FGB: variants seen among roughly 807,000 people sequenced by gnomAD.
FGB encodes the protein beta-fibrinogen.
In FGB, 25 loss-of-function variants were observed where a neutral mutation model predicts 57.9. That is an observed-to-expected ratio of 0.43 (90% CI 0.31 to 0.60). FGB has a LOEUF of 0.60. Among genes scored for constraint, FGB ranks in the 20% least tolerant of loss-of-function variants. FGB has a pLI of 0.08. For synonymous variants in FGB, 203 were observed against 199.2 expected, an observed-to-expected ratio of 1.02 and a Z score of -0.16; for missense variants, 536 against 598.4, an observed-to-expected ratio of 0.90 and a Z score of 1.09.
In FGB at chr4:154,568,465, T is replaced by C. The variant is rs1297445851; in HGVS notation, c.803T>C (p.Val268Ala). Residue 268 changes from valine (V) to alanine (A), a missense_variant, in exon 5 of 8, where the codon GTA becomes GCA. By Grantham distance (64) the Val-to-Ala change is moderately conservative. Coordinates refer to ENST00000302068, the MANE Select transcript of FGB (RefSeq NM_005141.5). ...GACAGTTCTGTCAAACCGTATAGAG[T>C]ATACTGTGACATGAATACAGAAAAT... ...QPDSSVKPYR[V>A]YCDMNTENGG... 5 of 1,592,288 alleles carry C rather than the reference T, an allele frequency of 3.1e-6. No individual in the cohort carries two copies. Among genetic ancestry groups the C allele is most frequent in the East Asian group, 2.2e-5 (1 of 44,770 alleles).
At chr4:154,567,566 T>A in intron 3 of FGB, 27 bp from the exon 4 acceptor site, 2 of 1,431,094 alleles carry the variant, frequency 1.4e-6, no homozygotes, top group Non-Finnish European at 2.0e-6. Flanking sequence ...AAATGCTAAC[T>A]ATTTCTACAT....
intron 4 of FGB, 172 bp downstream of exon 4, chr4:154,567,992 T>G (rs1407558286): frequency 5.9e-6 from 4 of 679,528 alleles, no homozygotes; most frequent in Non-Finnish European, 7.8e-6. Context: ...ACTGGCCTGG[T>G]GCATTTGCTG....
intron 7 of FGB, 70 bp from the exon 8 acceptor site, chr4:154,570,349 G>C: frequency 8.7e-7 from 1 of 1,151,564 alleles, no homozygotes; most frequent in African/African-American, 1.5e-5. Flanking sequence ...GTCTTTTATG[G>C]GTAATCTGCA....
chr4:154,567,487 T>A (rs371343648), intron 3 of FGB, 106 bp from the exon 4 acceptor site: 35 of 724,754 alleles, frequency 4.8e-5, no homozygotes, highest in Admixed American at 1.4e-4. Flanking sequence ...TGGTGATAGC[T>A]CAGTGTTTAA....
rs758044306 is a variant in FGB at position 154,570,485 on chromosome 4, T to A, written c.1311T>A (p.Cys437Ter). The A allele has an allele frequency of 3.7e-6, 6 of 1,614,168 alleles. No homozygotes were observed. Among genetic ancestry groups the A allele is most frequent in the Non-Finnish European group, 5.1e-6 (6 of 1,180,026 alleles). ...EDGGGWWYNR[C>*]HAANPNGRYY... ...GTGGTGGATGGTGGTATAATAGATGTCATGCAGCCAATCCAAACGGCAGAT... is the reference window on the plus strand; with the variant it reads ...GTGGTGGATGGTGGTATAATAGATGACATGCAGCCAATCCAAACGGCAGAT... Residue 437 changes from cysteine (C) to a stop codon, truncating the protein, a stop_gained, in exon 8 of 8, where the codon TGT (cysteine) becomes TGA (stop). Transcript: ENST00000302068. LOFTEE classifies it high-confidence loss of function.
rs1560818799 is a variant in FGB, at chr4:154,569,656, A to G, written c.1101A>G (p.Lys367=). ...GGFTVQNEAN[K]YQISVNKYRG... ...TCACTGTACAGAATGAAGCCAACAA[A>G]TACCAGATCTCAGTGAACAAATACA... Residue 367 remains lysine (K), a synonymous_variant, in exon 7 of 8, where the codon AAA becomes AAG. Transcript: ENST00000302068. 6.2e-7 allele frequency: 1 copy of G among 1,614,074 alleles called. No individual in the cohort carries two copies. The highest frequency in any genetic ancestry group is 1.3e-5 in the African/African-American group (1 of 74,934).
intron 1 of FGB, chr4:154,565,484 G>GT (rs1326232683): frequency 2.9e-6 from 1 of 342,394 alleles, no homozygotes; most frequent in Non-Finnish European, 5.5e-6. Flanking sequence ...CTTCTTGACA[G>GT]TATAGATTCT....
intron 2 of FGB, 41 bp downstream of exon 2, chr4:154,566,040 G>T (rs769260107): frequency 2.6e-6 from 4 of 1,560,946 alleles, no homozygotes; most frequent in South Asian, 1.1e-5. Context: ...GCTCTCTCAT[G>T]CAGAGAAAGC....
In FGB at chr4:154,566,497, G is replaced by A. The variant is rs1730166139; in HGVS notation, c.315G>A (p.Leu105=). Residue 105 remains leucine (L), a synonymous_variant, in exon 3 of 8, where the codon TTG becomes TTA. Coordinates refer to ENST00000302068, the MANE Select transcript of FGB (RefSeq NM_005141.5). ...ATTTTCTTTGTTTTTAGGGGGTGTT[G>A]TGTCCTACAGGATGTCAGTTGCAAG... The part of the protein sequence containing the change: ...CLHADPDLGV[L]CPTGCQLQEA... 1 of 1,614,088 alleles carries A rather than the reference G, an allele frequency of 6.2e-7. No homozygotes were observed. Among genetic ancestry groups the A allele is most frequent in the Non-Finnish European group, 8.5e-7 (1 of 1,180,004 alleles).
Position 154,567,297 on chromosome 4 carries a change from A to G in FGB, c.491-296A>G, listed in dbSNP as rs139216248. Among the ~76,000 whole-genome samples the G allele has an allele frequency of 1.5e-3, 230 of 152,302 alleles. 1 individual carries two copies. The highest frequency in any genetic ancestry group is 5.3e-3 in the African/African-American group (222 of 41,564). ...AACTTCTCAGATGGAAGACCCCAATACTGCTTTCTCCTCTTTTCCCTCACC... is the reference window on the plus strand; with the variant it reads ...AACTTCTCAGATGGAAGACCCCAATGCTGCTTTCTCCTCTTTTCCCTCACC... On this transcript the variant is annotated intron_variant, in intron 3 of 7. Coordinates refer to ENST00000302068, the MANE Select transcript of FGB (RefSeq NM_005141.5).
Position 154,567,729 on chromosome 4 carries a change from A to G in FGB, c.627A>G (p.Ile209Met). 1 of 1,614,184 alleles carries G rather than the reference A, an allele frequency of 6.2e-7. No homozygotes were observed. The highest frequency in any genetic ancestry group is 8.5e-7 in the Non-Finnish European group (1 of 1,180,012). Residue 209 changes from isoleucine (I) to methionine (M), a missense_variant, in exon 4 of 8, where the codon ATA becomes ATG. Physicochemically the swap from Ile to Met is conservative, Grantham distance 10. Coordinates refer to ENST00000302068, the MANE Select transcript of FGB (RefSeq NM_005141.5). The stretch of plus-strand genomic sequence containing the variant: ...TCCTGGAAAACCTGAGAAGCAAAAT[A>G]CAAAAGTTAGAATCTGATGTCTCAG... ...RSILENLRSK[I>M]QKLESDVSAQ... is the part of the protein sequence containing the mutation.
chr4:154,571,556 G>C lies in FGB; in HGVS notation c.*906G>C, dbSNP rs1376334778. Among the ~76,000 whole-genome samples, 1 of 151,740 alleles carries C rather than the reference G, an allele frequency of 6.6e-6. No individual in the cohort carries two copies. Among genetic ancestry groups the C allele is most frequent in the Non-Finnish European group, 1.5e-5 (1 of 67,970 alleles). On this transcript the variant is annotated 3_prime_UTR_variant, in exon 8 of 8. Coordinates refer to ENST00000302068, the MANE Select transcript of FGB (RefSeq NM_005141.5). Reference sequence around the variant, plus strand: ...TAAACATCAGGATCAGAGATTCCAAGAGGACAATCTGCATCAAGTCTTCAC... The same window carrying C: ...TAAACATCAGGATCAGAGATTCCAACAGGACAATCTGCATCAAGTCTTCAC...
intron 3 of FGB, 51 bp downstream of exon 3, chr4:154,566,723 G>A (rs746105693): frequency 2.1e-5 from 31 of 1,511,096 alleles, no homozygotes; most frequent in African/African-American, 1.8e-4. Context: ...AATTGGAACC[G>A]TTAGACTGCC....
At chr4:154,569,335 C>A (rs1418802508) in intron 6 of FGB, 28 bp downstream of exon 6, 1 of 1,613,402 alleles carries the variant, frequency 6.2e-7, no homozygotes, top group Non-Finnish European at 8.5e-7. Flanking sequence ...AAAATAAAAT[C>A]ATTCTATTTG....
intron 1 of FGB, 67 bp downstream of exon 1, chr4:154,563,199 T>C (rs976006705): frequency 4.3e-6 from 3 of 703,396 alleles, no homozygotes; most frequent in Admixed American, 4.5e-5. Context: ...CATAATCATA[T>C]TATGTGCTTA....
intron 2 of FGB, 104 bp downstream of exon 2, chr4:154,566,103 T>A: frequency 2.1e-6 from 2 of 957,102 alleles, no homozygotes; most frequent in Non-Finnish European, 3.2e-6. Flanking sequence ...ACCATCACTG[T>A]TATTTTGTTT....
Position 154,570,859 on chromosome 4 carries a change from A to G in FGB, c.*209A>G. On this transcript the variant is annotated 3_prime_UTR_variant, in exon 8 of 8. Coordinates refer to ENST00000302068, the MANE Select transcript of FGB (RefSeq NM_005141.5). The stretch of plus-strand genomic sequence containing the variant: ...TTTCTCTTGCTCACCAAGAAGTAAC[A>G]AAAGTATAGTTTTGACAGAGTTGGT... 1 of 598,104 alleles carries G rather than the reference A, an allele frequency of 1.7e-6. No homozygotes were observed. The highest frequency in any genetic ancestry group is 2.9e-5 in the East Asian group (1 of 34,140). 37.0% of individuals were successfully genotyped at this position (598,104 alleles called of 1,614,324 possible). A position where few individuals can be genotyped will look rare whatever the true frequency, so the allele number is the denominator to read the frequency against.
chr4:154,569,555 A>G lies in FGB; in HGVS notation c.1000A>G (p.Arg334Gly), dbSNP rs1730323710. 6.2e-7 allele frequency: 1 copy of G among 1,613,810 alleles called. No homozygotes were observed. Among genetic ancestry groups the G allele is most frequent in the Admixed American group, 1.7e-5 (1 of 59,964 alleles). ...AAATGATAAAATTAGCCAGCTTACC[A>G]GGATGGGACCCACAGAACTTTTGAT... ...LGNDKISQLT[R>G]MGPTELLIEM... Residue 334 changes from arginine to glycine, a missense_variant, in exon 7 of 8, where the codon AGG (arginine) becomes GGG (glycine). Transcript: ENST00000302068.
chr4:154,568,796 G>C (rs1041663886), intron 5 of FGB, among the ~76,000 whole-genome samples: 2 of 151,064 alleles, frequency 1.3e-5, no homozygotes, highest in African/African-American at 2.4e-5. Context: ...CCACAACCTG[G>C]AGTCTTGATC....
Sources: allele counts gnomAD v4.1 joint callset (sites outside exome capture counted in the v4.1 genomes callset), GRCh38; gene constraint gnomAD v4.1.1; transcripts MANE v1.5; gene names NCBI Gene and HGNC (gene_info 2026-07-23, HGNC 2026-07-21).